The following TTC14 variants were observed in gnomAD, a reference collection of about 807,000 sequenced individuals.
The protein encoded by TTC14 is tetratricopeptide repeat domain 14.
In TTC14, 63 loss-of-function variants were observed where a neutral mutation model predicts 79.9. The ratio of observed to expected loss-of-function variants is 0.79; its 90% CI spans 0.64 to 0.97. TTC14 has a LOEUF of 0.97. Ranked by LOEUF, TTC14 falls within the 50% of genes least tolerant of loss-of-function variation. The pLI is 0.00. For synonymous variants in TTC14, 335 were observed against 309.6 expected (o/e 1.08, Z -0.86); for missense variants, 895 against 894.0 (o/e 1.00, Z -0.01).
chr3:180,615,990 G>A (rs1207198735), downstream of TTC14, among the ~76,000 whole-genome samples: 1 of 152,058 alleles, frequency 6.6e-6, no homozygotes, highest in East Asian at 1.9e-4. Context: ...GCTAGATGTA[G>A]CCCCCAAATT....
Position 180,605,343 on chromosome 3 carries a change from C to G in TTC14, c.857+336C>G, listed in dbSNP as rs1212342629. 2.7e-5 allele frequency: 5 copies of G among 187,422 alleles called. 1 individual carries two copies. The highest frequency in any genetic ancestry group is 4.2e-5 in the Non-Finnish European group (4 of 94,918). 11.6% of individuals were successfully genotyped at this position (187,422 alleles called of 1,614,324 possible). On this transcript the variant is annotated intron_variant, in intron 6 of 11. Coordinates refer to ENST00000296015, the MANE Select transcript of TTC14 (RefSeq NM_133462.4). ...CCAGGCTGGAGTGCAGTGGCGCTAT[C>G]TCAGCTCACTGCAAGCTCTGCCCCT...
chr3:180,614,808 C>T, downstream of TTC14: 1 of 911,812 alleles, frequency 1.1e-6, no homozygotes, highest in Non-Finnish European at 1.6e-6. Context: ...AGTTTTTACA[C>T]TTACCACTAA....
rs755002453 is a variant in TTC14 at position 180,609,954 on chromosome 3, T to C, written c.1725T>C (p.Asp575=). 2 of 1,614,040 alleles carry C rather than the reference T, an allele frequency of 1.2e-6. No individual in the cohort carries two copies. Among genetic ancestry groups the C allele is most frequent in the Non-Finnish European group, 1.7e-6 (2 of 1,179,948 alleles). The change falls in exon 12 of 12, where the codon GAT becomes GAC. Residue 575 remains aspartate, a synonymous_variant. Coordinates refer to ENST00000296015, the MANE Select transcript of TTC14 (RefSeq NM_133462.4). The part of the protein sequence containing the change: ...QYEKTQIKEK[D]RCPLSSSSLE... ...AAAAGACACAGATAAAAGAGAAAGATAGATGCCCTCTCTCTTCATCTTCAC... is the reference window on the plus strand; with the variant it reads ...AAAAGACACAGATAAAAGAGAAAGACAGATGCCCTCTCTCTTCATCTTCAC...
In TTC14 at chr3:180,616,920, A is replaced by C. The variant is rs771050724; in HGVS notation, c.1775-460A>C. 7 of 1,526,650 alleles carry C rather than the reference A, an allele frequency of 4.6e-6. No homozygotes were observed. In the Admixed American group the frequency reaches 1.1e-4, roughly 23 times the overall value. The allele number at this position is 1,526,650 out of a possible 1,614,324, so 94.6% of individuals were successfully genotyped here. On this transcript the variant is annotated intron_variant, in intron 12 of 12. Transcript: ENST00000382584. The stretch of plus-strand genomic sequence containing the variant: ...CTGCTTCTCTGATAACTTTTCTTTA[A>C]CATTATTTGCCAAATGTTCTATAAC...
intron 12 of TTC14, chr3:180,616,192 C>A (rs1365628734): frequency 3.7e-6 from 4 of 1,093,748 alleles, no homozygotes. Flanking sequence ...ATGGGCCTGC[C>A]TAACAGCTGC....
At chr3:180,617,270 TAA>T in intron 12 of TTC14, 1 of 470,236 alleles carries the variant, frequency 2.1e-6, no homozygotes. Context: ...GCCAGTCATA[TAA>T]AAGTCTAGCA....
chr3:180,612,981 TAATACTC>T (rs1717086409), downstream of TTC14, among the ~76,000 whole-genome samples: 2 of 152,154 alleles, frequency 1.3e-5, no homozygotes, highest in African/African-American at 4.8e-5. Flanking sequence ...GCGTATGAAA[TAATACTC>T]AACATCACTA....
At chr3:180,605,946 T>C in intron 7 of TTC14, 109 bp downstream of exon 7, 1 of 1,127,984 alleles carries the variant, frequency 8.9e-7, no homozygotes, top group Non-Finnish European at 1.3e-6. Flanking sequence ...ATTAAAGTGA[T>C]GCCTTTTTGA....
chr3:180,606,112 T>A, intron 7 of TTC14, 141 bp from the exon 8 acceptor site: 1 of 1,157,070 alleles, frequency 8.6e-7, no homozygotes, highest in East Asian at 2.5e-5. Context: ...AGAAGAACGT[T>A]CCTTAGGTAT....
Position 180,610,600 on chromosome 3 carries a change from T to C in TTC14, c.*58T>C. On this transcript the variant is annotated 3_prime_UTR_variant, in exon 12 of 12. Transcript: ENST00000296015. ...TGCCATTAAGTGAAGTTTTTGGTTG[T>C]ATTAGTCATAACAGTTGAGTGCAGA... 6.6e-7 allele frequency: 1 copy of C among 1,516,240 alleles called. No individual in the cohort carries two copies. The highest frequency in any genetic ancestry group is 8.8e-7 in the Non-Finnish European group (1 of 1,139,868). 93.9% of individuals were successfully genotyped at this position (1,516,240 alleles called of 1,614,324 possible).
downstream of TTC14, chr3:180,614,548 C>T (rs537322164): frequency 3.5e-4 from 57 of 161,672 alleles, no homozygotes; most frequent in Admixed American, 1.0e-3. Context: ...CATTGCAATA[C>T]GCTCATAATA....
chr3:180,608,108 T>C, intron 10 of TTC14: 1 of 1,034,240 alleles, frequency 9.7e-7, no homozygotes, highest in Non-Finnish European at 1.2e-6. Context: ...TAAATTGTCT[T>C]TTCCTGTAAT....
At position 180,610,626 on chromosome 3, in the gene TTC14, A is replaced by C. The variant is rs1294892036; in HGVS notation, c.*84A>C. On this transcript the variant is annotated 3_prime_UTR_variant, in exon 12 of 12. Coordinates refer to ENST00000296015, the MANE Select transcript of TTC14 (RefSeq NM_133462.4). ...ATTAGTCATAACAGTTGAGTGCAGA[A>C]ATCTCTGCTTCTAAAATTATTTGTA... is the stretch of plus-strand genomic sequence containing the variant. 1.3e-6 allele frequency: 2 copies of C among 1,489,838 alleles called. No homozygotes were observed. The highest frequency in any genetic ancestry group is 4.6e-5 in the East Asian group (2 of 43,168). The allele number at this position is 1,489,838 out of a possible 1,614,324, so 92.3% of individuals were successfully genotyped here. A position where few individuals can be genotyped will look rare whatever the true frequency, so the allele number is the denominator to read the frequency against.
chr3:180,606,961 C>T (rs1712268854), intron 9 of TTC14, among the ~76,000 whole-genome samples: 3 of 152,088 alleles, frequency 2.0e-5, no homozygotes, highest in African/African-American at 7.2e-5. Flanking sequence ...ATGTGGTTGT[C>T]TTATAGCCTT....
At chr3:180,616,378 A>C (rs768368758) in intron 12 of TTC14, 1 of 1,601,406 alleles carries the variant, frequency 6.2e-7, no homozygotes. Context: ...AGGAATATTC[A>C]ATAGCAATCA....
In TTC14 at chr3:180,608,693, TC is replaced by T. The variant is rs1425691892; in HGVS notation, c.1291-7del. 1 of 1,514,104 alleles carries T rather than the reference TC, an allele frequency of 6.6e-7. No individual in the cohort carries two copies. Among genetic ancestry groups the T allele is most frequent in the African/African-American group, 1.4e-5 (1 of 70,548 alleles). 93.8% of individuals were successfully genotyped at this position (1,514,104 alleles called of 1,614,324 possible). ...GTGTGGTTTTTTTCGATATCTGGGTTCTAAAAGAAATCTTTGGAATTAAGAG... is the reference window on the plus strand; with the variant it reads ...GTGTGGTTTTTTTCGATATCTGGGTTTAAAAGAAATCTTTGGAATTAAGAG... On this transcript the variant is annotated splice_polypyrimidine_tract_variant and splice_region_variant and intron_variant, in intron 10 of 11. Transcript: ENST00000296015.
At chr3:180,615,188 G>A, downstream of TTC14, 1 of 739,054 alleles carries the variant, frequency 1.4e-6, no homozygotes, top group Non-Finnish European at 2.1e-6. Flanking sequence ...CATCAAAAAA[G>A]TACATATTAA....
chr3:180,616,825 C>T, intron 12 of TTC14: 1 of 1,609,512 alleles, frequency 6.2e-7, no homozygotes, highest in Non-Finnish European at 8.5e-7. Flanking sequence ...GATATCGATA[C>T]CTGTTTGGTC....
chr3:180,609,472 A>G (rs1175664459), intron 11 of TTC14, 158 bp from the exon 12 acceptor site: 2 of 1,316,778 alleles, frequency 1.5e-6, no homozygotes, highest in Non-Finnish European at 1.9e-6. Flanking sequence ...AAAGTGCTTA[A>G]TAGTAAAATT....
Sources: allele counts gnomAD v4.1 joint callset (sites outside exome capture counted in the v4.1 genomes callset), GRCh38; gene constraint gnomAD v4.1.1; transcripts MANE v1.5; gene names NCBI Gene and HGNC (gene_info 2026-07-23, HGNC 2026-07-21).